ACER3: variants seen among roughly 807,000 people sequenced by gnomAD.
The protein encoded by ACER3 is alkaline ceramidase 3.
In ACER3, 16 loss-of-function variants were observed where a neutral mutation model predicts 48.9. That is an observed-to-expected ratio of 0.33 (90% CI 0.22 to 0.50). ACER3 has a LOEUF of 0.50. Ranked by LOEUF, ACER3 falls within the 20% of genes least tolerant of loss-of-function variation. The pLI, the probability that ACER3 is intolerant of heterozygous loss-of-function variation, is 0.98. For missense variants in ACER3, 227 were observed against 326.0 expected (o/e 0.70, Z 2.34); for synonymous variants, 109 against 107.8 (o/e 1.01, Z -0.07).
Position 77,020,349 on chromosome 11 carries a change from C to CA in ACER3, c.*25dup. 6.2e-7 allele frequency: 1 copy of CA among 1,611,362 alleles called. No individual in the cohort carries two copies. Among genetic ancestry groups the CA allele is most frequent in the South Asian group, 1.1e-5 (1 of 91,018 alleles). ...TTGATGAATCATTCCACCAAGAAAA[C>CA]AAACAAGCACCTACCATAGACCTGG... On this transcript the variant is annotated 3_prime_UTR_variant, in exon 11 of 11. Coordinates refer to ENST00000532485, the MANE Select transcript of ACER3 (RefSeq NM_018367.7).
At chr11:76,975,420 TTAC>T (rs1421356110) in intron 3 of ACER3, among the ~76,000 whole-genome samples, 2 of 152,154 alleles carry the variant, frequency 1.3e-5, no homozygotes, top group South Asian at 2.1e-4. Context: ...GTAATTATTA[TTAC>T]TACTATTATT....
rs946358078 is a variant in ACER3, at chr11:77,026,702, A to T, written c.*6375A>T. 1.3e-5 allele frequency: 2 copies of T among 152,050 alleles called. No individual in the cohort carries two copies. The highest frequency in any genetic ancestry group is 2.9e-5 in the Non-Finnish European group (2 of 68,022). The allele number at this position is 152,050 out of a possible 1,614,324, so 9.4% of individuals were successfully genotyped here. A position where few individuals can be genotyped will look rare whatever the true frequency, so the allele number is the denominator to read the frequency against. Reference sequence around the variant, plus strand: ...TTTCTAGAAAATAGTAGGATAATGTATTTTTTCCTGTCTGCTATAATGGAG... The same window carrying T: ...TTTCTAGAAAATAGTAGGATAATGTTTTTTTTCCTGTCTGCTATAATGGAG... On this transcript the variant is annotated 3_prime_UTR_variant, in exon 11 of 11. Coordinates refer to ENST00000532485, the MANE Select transcript of ACER3 (RefSeq NM_018367.7).
At chr11:76,945,142 G>T (rs1947440996) in intron 2 of ACER3, among the ~76,000 whole-genome samples, 1 of 150,568 alleles carries the variant, frequency 6.6e-6, no homozygotes, top group African/African-American at 2.4e-5. Context: ...TATTTGTATT[G>T]GTTCTCAGAT....
chr11:76,917,588 G>A (rs1314782130), intron 1 of ACER3, among the ~76,000 whole-genome samples: 1 of 151,948 alleles, frequency 6.6e-6, no homozygotes, highest in Non-Finnish European at 1.5e-5. Flanking sequence ...CAGGCGCAGT[G>A]GCTCATGCCT....
chr11:76,969,940 T>TAAA (rs988816886), intron 3 of ACER3, among the ~76,000 whole-genome samples: 93 of 139,340 alleles, frequency 6.7e-4, no homozygotes, highest in Non-Finnish European at 1.3e-3. Flanking sequence ...AAACTTAAAG[T>TAAA]ATAATAATAA....
intron 2 of ACER3, among the ~76,000 whole-genome samples, chr11:76,950,352 CATATATATATATAT>C (rs774580764): frequency 0.013 from 455 of 35,814 alleles, 5 homozygotes; most frequent in Middle Eastern, 0.062. Context: ...GTGACATGAT[CATATATATATATAT>C]ATATATATAT....
intron 3 of ACER3, among the ~76,000 whole-genome samples, chr11:76,967,785 C>T (rs1416636046): frequency 2.0e-5 from 3 of 152,138 alleles, no homozygotes; most frequent in African/African-American, 7.2e-5. Context: ...ATTGATGGGA[C>T]ATATCTCAAA....
chr11:77,007,288 G>A (rs969601766), intron 7 of ACER3, among the ~76,000 whole-genome samples: 1 of 151,988 alleles, frequency 6.6e-6, no homozygotes, highest in African/African-American at 2.4e-5. Context: ...TTTCAGCCCT[G>A]CTCTCTTCCT....
chr11:76,884,241 A>AT (rs71040041), intron 1 of ACER3, among the ~76,000 whole-genome samples: 7,676 of 150,186 alleles, frequency 0.051, 230 homozygotes, highest in Middle Eastern at 0.12. Context: ...CTATGCTTGG[A>AT]TTTTTTTTTT....
chr11:76,944,713 G>A (rs1947429973), intron 2 of ACER3, among the ~76,000 whole-genome samples: 1 of 152,018 alleles, frequency 6.6e-6, no homozygotes, highest in South Asian at 2.1e-4. Context: ...ATTTGCCTGG[G>A]GATTGCTGGA....
chr11:76,934,451 C>T (rs188160572), intron 2 of ACER3, among the ~76,000 whole-genome samples: 77 of 152,334 alleles, frequency 5.1e-4, no homozygotes, highest in Non-Finnish European at 9.3e-4. Flanking sequence ...CTCGGGAGGC[C>T]GAGGCTGGCG....
intron 2 of ACER3, among the ~76,000 whole-genome samples, chr11:76,950,948 A>G (rs934389557): frequency 4.3e-4 from 65 of 152,184 alleles, no homozygotes; most frequent in African/African-American, 1.6e-3. Flanking sequence ...CTTCCCATCT[A>G]ATGAAAATAT....
At chr11:76,994,190 G>C (rs945965454) in intron 6 of ACER3, 4 of 452,110 alleles carry the variant, frequency 8.8e-6, no homozygotes, top group African/African-American at 4.0e-5. Context: ...GAAGTGCAAT[G>C]GCACAATCTC....
Position 77,024,532 on chromosome 11 carries a change from A to G in ACER3, c.*4205A>G, listed in dbSNP as rs1555025315. ...CTTTTGCCTTGAGTATGAAACCTTG[A>G]CATTGCTGAAAGAAAAGTGGAAACT... On this transcript the variant is annotated 3_prime_UTR_variant, in exon 11 of 11. Coordinates refer to ENST00000532485, the MANE Select transcript of ACER3 (RefSeq NM_018367.7). 1 of 152,200 alleles carries G rather than the reference A, an allele frequency of 6.6e-6. No individual in the cohort carries two copies. Among genetic ancestry groups the G allele is most frequent in the Non-Finnish European group, 1.5e-5 (1 of 68,052 alleles). 9.4% of individuals were successfully genotyped at this position (152,200 alleles called of 1,614,324 possible). A position where few individuals can be genotyped will look rare whatever the true frequency, so the allele number is the denominator to read the frequency against.
intron 1 of ACER3, among the ~76,000 whole-genome samples, chr11:76,881,584 C>A (rs1945528754): frequency 6.6e-6 from 1 of 152,064 alleles, no homozygotes; most frequent in African/African-American, 2.4e-5. Context: ...TAGAAGCTTG[C>A]ACAATAAGGC....
rs531621033 is a variant in ACER3, at chr11:76,877,297, C to T, written c.103+16218C>T. 2.0e-5 allele frequency among the ~76,000 whole-genome samples: 3 copies of T among 152,212 alleles called. 1 individual carries two copies. The South Asian group carries it at 6.2e-4, about 32-fold the overall frequency. Reference sequence around the variant, plus strand: ...ATGTTCTTTAACTTTTCAGAGCATGCAGCTTTTAACAGCAAGTAGAAGGAC... The same window carrying T: ...ATGTTCTTTAACTTTTCAGAGCATGTAGCTTTTAACAGCAAGTAGAAGGAC... On this transcript the variant is annotated intron_variant, in intron 1 of 10. Coordinates refer to ENST00000532485, the MANE Select transcript of ACER3 (RefSeq NM_018367.7).
intron 2 of ACER3, among the ~76,000 whole-genome samples, chr11:76,949,145 T>C (rs1014715115): frequency 8.5e-5 from 13 of 152,216 alleles, no homozygotes; most frequent in African/African-American, 3.1e-4. Flanking sequence ...TGCCAAGATA[T>C]CTGAATCCAG....
intron 2 of ACER3, among the ~76,000 whole-genome samples, chr11:76,944,902 A>G (rs769541671): frequency 2.0e-5 from 3 of 151,574 alleles, no homozygotes; most frequent in African/African-American, 4.8e-5. Context: ...ATTCTTTTTT[A>G]TTATTTTTTT....
intron 1 of ACER3, among the ~76,000 whole-genome samples, chr11:76,909,299 G>T (rs1174106001): frequency 6.6e-6 from 1 of 152,072 alleles, no homozygotes; most frequent in African/African-American, 2.4e-5. Context: ...AAGAACTTCT[G>T]CACAGCAAAA....
Sources: allele counts gnomAD v4.1 joint callset (sites outside exome capture counted in the v4.1 genomes callset), GRCh38; gene constraint gnomAD v4.1.1; transcripts MANE v1.5; gene names NCBI Gene and HGNC (gene_info 2026-07-23, HGNC 2026-07-21).